SLC35F4: variants seen among roughly 807,000 people sequenced by gnomAD.
The protein encoded by SLC35F4 is solute carrier family 35 member F4.
SLC35F4 carries 24 observed loss-of-function variants against 44.2 expected under a neutral mutation model. That is an observed-to-expected ratio of 0.54 (90% confidence interval 0.39 to 0.76). The LOEUF is 0.76. Ranked by LOEUF, SLC35F4 falls within the 30% of genes least tolerant of loss-of-function variation. The pLI is 0.00. For missense variants in SLC35F4, 562 were observed against 586.1 expected (o/e 0.96, Z 0.42); for synonymous variants, 238 against 223.6 (o/e 1.06, Z -0.57).
chr14:57,718,647 C>G (rs1092042), intron 1 of SLC35F4, among the ~76,000 whole-genome samples: 1 of 152,176 alleles, frequency 6.6e-6, no homozygotes, highest in African/African-American at 2.4e-5. Flanking sequence ...TCTTCTTTTG[C>G]GAAATATCTA....
chr14:57,776,527 G>A (rs2077491578), intron 1 of SLC35F4, among the ~76,000 whole-genome samples: 1 of 151,968 alleles, frequency 6.6e-6, no homozygotes. Flanking sequence ...TTTGCCAGGA[G>A]TGGTGGCACG....
intron 1 of SLC35F4, among the ~76,000 whole-genome samples, chr14:57,654,584 C>T (rs1329684863): frequency 6.6e-6 from 1 of 152,126 alleles, no homozygotes; most frequent in Non-Finnish European, 1.5e-5. Context: ...AATAAAATTA[C>T]TTATTTTCCT....
At chr14:57,926,235 C>T (rs905103121) in intron 1 of SLC35F4, among the ~76,000 whole-genome samples, 1 of 152,222 alleles carries the variant, frequency 6.6e-6, no homozygotes, top group East Asian at 1.9e-4. Context: ...AACCTTTTTA[C>T]ACCCCTAGCA....
intron 1 of SLC35F4, among the ~76,000 whole-genome samples, chr14:57,611,532 G>A (rs2071499752): frequency 6.6e-6 from 1 of 151,080 alleles, no homozygotes; most frequent in South Asian, 2.1e-4. Flanking sequence ...ATATGGTACA[G>A]TTGTCAAAGG....
At chr14:57,570,386 T>C (rs1302987942) in intron 5 of SLC35F4, among the ~76,000 whole-genome samples, 1 of 152,194 alleles carries the variant, frequency 6.6e-6, no homozygotes, top group East Asian at 1.9e-4. Context: ...GAAAACTAAA[T>C]TGGACAGAGA....
chr14:57,757,738 C>T (rs12884947), intron 1 of SLC35F4, among the ~76,000 whole-genome samples: 110,839 of 152,082 alleles, frequency 0.73, 40,538 homozygotes, highest in East Asian at 0.82. Flanking sequence ...CCAGACTATA[C>T]TGTTGTTTTT....
At chr14:57,600,649 G>T (rs1330031736) in intron 1 of SLC35F4, among the ~76,000 whole-genome samples, 1 of 103,448 alleles carries the variant, frequency 9.7e-6, no homozygotes, top group African/African-American at 3.8e-5. Context: ...CCGAGATCCC[G>T]CCACTGCACT....
intron 1 of SLC35F4, among the ~76,000 whole-genome samples, chr14:57,705,179 G>T (rs1434407779): frequency 6.6e-6 from 1 of 152,082 alleles, no homozygotes; most frequent in Non-Finnish European, 1.5e-5. Flanking sequence ...ATGCTAGCTA[G>T]TAAAATTACT....
intron 1 of SLC35F4, among the ~76,000 whole-genome samples, chr14:57,807,398 G>GTTGCCTCCCGT (rs1881454382): frequency 1.3e-5 from 2 of 151,926 alleles, no homozygotes; most frequent in South Asian, 4.1e-4. Context: ...AGCCAAAGCC[G>GTTGCCTCCCGT]TTGCCTCCCT....
intron 1 of SLC35F4, among the ~76,000 whole-genome samples, chr14:57,683,548 G>T (rs1176082191): frequency 6.6e-6 from 1 of 152,126 alleles, no homozygotes; most frequent in Non-Finnish European, 1.5e-5. Context: ...GTATATACCA[G>T]GTTGCAGAAC....
At chr14:57,779,112 A>AAT (rs1566845918) in intron 1 of SLC35F4, among the ~76,000 whole-genome samples, 16 of 151,718 alleles carry the variant, frequency 1.1e-4, no homozygotes, top group African/African-American at 2.9e-4. Context: ...AGACAAAAAA[A>AAT]AATAATAATA....
upstream of SLC35F4, among the ~76,000 whole-genome samples, chr14:57,866,712 C>T (rs1217968725): frequency 2.6e-5 from 4 of 152,090 alleles, no homozygotes; most frequent in Non-Finnish European, 5.9e-5. Context: ...ATGATTTTCT[C>T]CTTTATTGCC....
intron 1 of SLC35F4, among the ~76,000 whole-genome samples, chr14:57,914,571 A>G (rs1414865198): frequency 1.5e-5 from 2 of 130,614 alleles, no homozygotes; most frequent in South Asian, 2.3e-4. Flanking sequence ...TCATAAAAAG[A>G]AAAAAAAAAA....
chr14:57,588,110 T>C (rs2069898679), intron 3 of SLC35F4, among the ~76,000 whole-genome samples: 1 of 152,168 alleles, frequency 6.6e-6, no homozygotes, highest in South Asian at 2.1e-4. Context: ...AAGGTTGTAG[T>C]GAGCTGAGAT....
At chr14:57,711,895 T>C (rs2075826299) in intron 1 of SLC35F4, among the ~76,000 whole-genome samples, 1 of 152,204 alleles carries the variant, frequency 6.6e-6, no homozygotes, top group African/African-American at 2.4e-5. Context: ...AAGTGAGAGT[T>C]TAGAAACTGG....
chr14:57,946,186 T>G (rs1404251514), intron 1 of SLC35F4, among the ~76,000 whole-genome samples: 4 of 152,208 alleles, frequency 2.6e-5, no homozygotes, highest in Non-Finnish European at 5.9e-5. Flanking sequence ...TTCTTGGTCT[T>G]GAAATATTTG....
At chr14:57,902,713 A>G (rs1889028862) in intron 1 of SLC35F4, among the ~76,000 whole-genome samples, 1 of 152,234 alleles carries the variant, frequency 6.6e-6, no homozygotes, top group South Asian at 2.1e-4. Flanking sequence ...GAATTAAAAG[A>G]GATGATATAT....
chr14:57,705,190 G>A (rs927319577), intron 1 of SLC35F4, among the ~76,000 whole-genome samples: 2 of 152,132 alleles, frequency 1.3e-5, no homozygotes, highest in Middle Eastern at 3.4e-3. Flanking sequence ...TAAAATTACT[G>A]GAATTCAATC....
intron 1 of SLC35F4, among the ~76,000 whole-genome samples, chr14:57,910,006 T>C (rs1186834327): frequency 6.6e-6 from 1 of 152,196 alleles, no homozygotes; most frequent in Non-Finnish European, 1.5e-5. Context: ...AGGTATGTTG[T>C]AGTATCTCAC....
Sources: gnomAD v4.1 joint callset for allele counts (sites outside exome capture counted in the v4.1 genomes callset) on GRCh38, gnomAD v4.1.1 for gene constraint, MANE v1.5 for transcripts, NCBI Gene and HGNC (gene_info 2026-07-23, HGNC 2026-07-21) for gene names.